Variants in GRIK4 observed in about 807,000 individuals in gnomAD.
GRIK4 encodes glutamate ionotropic receptor kainate type subunit 4.
Under a neutral mutation model 104.9 loss-of-function variants are expected in GRIK4, and 40 were observed. The observed-to-expected ratio is 0.38, with a 90% CI of 0.30 to 0.50. The LOEUF (loss-of-function observed/expected upper bound fraction) is 0.50. Among genes scored for constraint, GRIK4 ranks in the 20% least tolerant of loss-of-function variants. The pLI is 0.93. For missense variants in GRIK4, 1,047 were observed against 1,308.1 expected (o/e 0.80, Z 3.08); for synonymous variants, 485 against 524.9 (o/e 0.92, Z 1.04).
intron 3 of GRIK4, among the ~76,000 whole-genome samples, chr11:120,661,369 C>CTTAACTTGAGTT (rs1195985778): frequency 2.0e-5 from 3 of 152,150 alleles, no homozygotes; most frequent in Non-Finnish European, 4.4e-5. Context: ...TAAGTGACAG[C>CTTAACTTGAGTT]CCTAGAGGAA....
intron 1 of GRIK4, among the ~76,000 whole-genome samples, chr11:120,614,930 C>A (rs182334234): frequency 5.8e-4 from 88 of 152,258 alleles, no homozygotes; most frequent in African/African-American, 1.8e-3. Flanking sequence ...ACCCAGGAGG[C>A]GGAGCTTGCA....
intron 1 of GRIK4, among the ~76,000 whole-genome samples, chr11:120,545,264 C>A (rs558361222): frequency 6.6e-6 from 1 of 152,074 alleles, no homozygotes; most frequent in Non-Finnish European, 1.5e-5. Context: ...TATCTCTAGT[C>A]GTTAAGGGTG....
At chr11:120,609,710 C>T (rs4936530) in intron 1 of GRIK4, among the ~76,000 whole-genome samples, 4,462 of 151,880 alleles carry the variant, frequency 0.029, 402 homozygotes, top group East Asian at 0.21. Flanking sequence ...GATGCGGTTT[C>T]ACCATGTTGG....
intron 4 of GRIK4, among the ~76,000 whole-genome samples, chr11:120,811,553 A>T (rs577124741): frequency 6.6e-6 from 1 of 152,212 alleles, no homozygotes; most frequent in Non-Finnish European, 1.5e-5. Flanking sequence ...CAGTTCCCGT[A>T]AGAGTGCTTC....
intron 5 of GRIK4, among the ~76,000 whole-genome samples, chr11:120,818,213 A>G (rs1357088997): frequency 6.6e-6 from 1 of 152,198 alleles, no homozygotes; most frequent in Non-Finnish European, 1.5e-5. Context: ...TGCTAATGGA[A>G]TGTGGTAGGC....
chr11:120,721,983 T>G (rs1008627571), intron 3 of GRIK4, among the ~76,000 whole-genome samples: 3 of 152,200 alleles, frequency 2.0e-5, no homozygotes, highest in African/African-American at 7.2e-5. Flanking sequence ...CTTTTGGACT[T>G]AAGTACTACT....
At chr11:120,721,151 C>T (rs1020236011) in intron 3 of GRIK4, among the ~76,000 whole-genome samples, 1 of 152,104 alleles carries the variant, frequency 6.6e-6, no homozygotes, top group Non-Finnish European at 1.5e-5. Flanking sequence ...TCTGTGGGAG[C>T]AGTTGGGGTC....
chr11:120,635,958 C>T (rs181676021), intron 1 of GRIK4, among the ~76,000 whole-genome samples: 2 of 152,304 alleles, frequency 1.3e-5, no homozygotes, highest in Non-Finnish European at 2.9e-5. Context: ...CCAAGGCATC[C>T]GCTATCCTGA....
intron 18 of GRIK4, 141 bp downstream of exon 18, chr11:120,962,822 AG>A: frequency 4.8e-5 from 22 of 461,062 alleles, no homozygotes; most frequent in Middle Eastern, 4.7e-4. Context: ...GGCATTCTAA[AG>A]TTTTTTTTTT....
intron 8 of GRIK4, among the ~76,000 whole-genome samples, chr11:120,845,243 A>G (rs7123228): frequency 0.2 from 30,114 of 152,182 alleles, 3,253 homozygotes; most frequent in African/African-American, 0.29. Flanking sequence ...AGAGAACTTG[A>G]GTTCCTATCT....
chr11:120,582,930 C>T (rs1005314423), intron 1 of GRIK4, among the ~76,000 whole-genome samples: 3 of 152,164 alleles, frequency 2.0e-5, no homozygotes, highest in African/African-American at 7.2e-5. Context: ...GAGAAATTGC[C>T]ACACTGGTTT....
rs1321362767 is a variant in GRIK4, at chr11:120,575,555, T to TA, written c.-159+63669dup. ...CCGCCGCTGAATGGGGTGTGCTACT[T>TA]AGAGTGTGGGTGTGGGTTTGGGGTG... is the stretch of plus-strand genomic sequence containing the variant. On this transcript the variant is annotated intron_variant, in intron 1 of 20. Transcript: ENST00000527524. 2.0e-5 allele frequency among the ~76,000 whole-genome samples: 3 copies of TA among 151,988 alleles called. No homozygotes were observed. The East Asian group carries it at 5.8e-4, about 29-fold the overall frequency.
intron 8 of GRIK4, among the ~76,000 whole-genome samples, chr11:120,838,272 C>A (rs181905748): frequency 3.9e-5 from 6 of 152,192 alleles, no homozygotes; most frequent in African/African-American, 1.2e-4. Flanking sequence ...ACTCTCTGAA[C>A]CACAGTTTTC....
chr11:120,655,241 G>A (rs1042805015), intron 2 of GRIK4, among the ~76,000 whole-genome samples: 1 of 151,776 alleles, frequency 6.6e-6, no homozygotes, highest in East Asian at 1.9e-4. Context: ...GAGGGGAGCT[G>A]ATGAGCTGAA....
At chr11:120,574,792 T>C (rs1948456434) in intron 1 of GRIK4, among the ~76,000 whole-genome samples, 1 of 152,150 alleles carries the variant, frequency 6.6e-6, no homozygotes, top group Admixed American at 6.5e-5. Context: ...GGGGAGGCGC[T>C]TTCCTCTGTG....
chr11:120,986,062 G>T lies in GRIK4; in HGVS notation c.2673G>T (p.Lys891Asn), dbSNP rs1358188772. 3.3e-6 allele frequency: 5 copies of T among 1,519,172 alleles called. No homozygotes were observed. The highest frequency in any genetic ancestry group is 4.4e-6 in the Non-Finnish European group (5 of 1,137,162). The allele number at this position is 1,519,172 out of a possible 1,614,324, so 94.1% of individuals were successfully genotyped here. A position where few individuals can be genotyped will look rare whatever the true frequency, so the allele number is the denominator to read the frequency against. ...PRGTATLSNG[K>N]LCGAGEPDQL... ...GCACGGCGACGCTCAGCAACGGGAAGCTGTGCGGGGCAGGGGAGCCCGACC... is the reference window on the plus strand; with the variant it reads ...GCACGGCGACGCTCAGCAACGGGAATCTGTGCGGGGCAGGGGAGCCCGACC... The change falls in exon 21 of 21, where the codon AAG becomes AAT. Residue 891 changes from lysine to asparagine, a missense_variant. By Grantham distance (94) the Lys-to-Asn change is moderately conservative (BLOSUM62 0). Transcript: ENST00000527524.
intron 3 of GRIK4, among the ~76,000 whole-genome samples, chr11:120,697,074 G>A (rs917505498): frequency 2.6e-5 from 4 of 152,132 alleles, no homozygotes; most frequent in African/African-American, 7.2e-5. Context: ...CAACCCGTTC[G>A]CTTCCCAGCT....
chr11:120,685,135 C>A (rs548817935), intron 3 of GRIK4, among the ~76,000 whole-genome samples: 1 of 152,288 alleles, frequency 6.6e-6, no homozygotes, highest in African/African-American at 2.4e-5. Flanking sequence ...GCTTAGTCTT[C>A]AGGTACTGGA....
intron 1 of GRIK4, among the ~76,000 whole-genome samples, chr11:120,551,572 G>C (rs749280172): frequency 6.6e-6 from 1 of 152,164 alleles, no homozygotes; most frequent in African/African-American, 2.4e-5. Context: ...CTCGATACCA[G>C]GAGTTCAAGA....
Sources: gnomAD v4.1 joint callset for allele counts (sites outside exome capture counted in the v4.1 genomes callset) on GRCh38, gnomAD v4.1.1 for gene constraint, MANE v1.5 for transcripts, NCBI Gene and HGNC (gene_info 2026-07-23, HGNC 2026-07-21) for gene names.